Variants in ATF2 observed in about 807,000 individuals in gnomAD.
The protein encoded by ATF2 is cyclic AMP-dependent transcription factor ATF-2.
ATF2 carries 24 observed loss-of-function variants against 60.6 expected under a neutral mutation model. The ratio of observed to expected loss-of-function variants is 0.40; its 90% CI spans 0.29 to 0.56. The LOEUF (loss-of-function observed/expected upper bound fraction) is 0.56. ATF2 is among the 20% of genes least tolerant of loss of function. The pLI, the probability that ATF2 is intolerant of heterozygous loss-of-function variation, is 0.54. For missense variants in ATF2, 433 were observed against 607.7 expected (o/e 0.71, Z 3.02); for synonymous variants, 206 against 215.4 (o/e 0.96, Z 0.38).
At chr2:175,088,362 A>T (rs1694308792) in intron 12 of ATF2, among the ~76,000 whole-genome samples, 1 of 152,182 alleles carries the variant, frequency 6.6e-6, no homozygotes, top group Non-Finnish European at 1.5e-5. Context: ...ATTTCAAGTG[A>T]TAAATACTGA....
intron 10 of ATF2, among the ~76,000 whole-genome samples, chr2:175,109,955 A>G (rs1696053626): frequency 6.6e-6 from 1 of 152,204 alleles, no homozygotes; most frequent in South Asian, 2.1e-4. Flanking sequence ...ACTGCTGTTC[A>G]TTCAGATAAT....
At position 175,074,158 on chromosome 2, in the gene ATF2, C is replaced by T. The variant is rs1417632228; in HGVS notation, c.*451G>A. The T allele has an allele frequency of 1.3e-5, 2 of 153,058 alleles. No homozygotes were observed. The highest frequency in any genetic ancestry group is 2.9e-5 in the Non-Finnish European group (2 of 68,694). The allele number at this position is 153,058 out of a possible 1,614,324, so 9.5% of individuals were successfully genotyped here. On this transcript the variant is annotated 3_prime_UTR_variant, in exon 14 of 14. Transcript: ENST00000264110. ...TTTCTCTTGCCTAGTGCTTTTATGA[C>T]TCCGTTAACATTACAAAGTCAACAG...
Position 175,085,064 on chromosome 2 carries a change from T to C in ATF2, c.1186-4299A>G, listed in dbSNP as rs149601582. On this transcript the variant is annotated intron_variant, in intron 12 of 13. Transcript: ENST00000264110. The stretch of plus-strand genomic sequence containing the variant: ...GCTACACTGTTAATTTTCTCAGTTA[T>C]GTAAATTGGCATATTATGTAGTATC... Among the ~76,000 whole-genome samples, 292 of 152,310 alleles carry C rather than the reference T, an allele frequency of 1.9e-3. 1 individual carries two copies. Among genetic ancestry groups the C allele is most frequent in the African/African-American group, 6.8e-3 (283 of 41,582 alleles).
chr2:175,114,917 T>G (rs925131998), intron 7 of ATF2, 49 bp from the exon 8 acceptor site: 2 of 1,570,222 alleles, frequency 1.3e-6, no homozygotes, highest in East Asian at 2.2e-5. Flanking sequence ...ATACAAATCA[T>G]GTACCTTAGT....
chr2:175,141,080 T>C (rs1313533194), intron 2 of ATF2, among the ~76,000 whole-genome samples: 3 of 133,914 alleles, frequency 2.2e-5, no homozygotes, highest in East Asian at 4.6e-4. Flanking sequence ...TGTATATATA[T>C]GTATACACAC....
chr2:175,151,694 G>A (rs562312440), intron 1 of ATF2, among the ~76,000 whole-genome samples: 3 of 151,988 alleles, frequency 2.0e-5, no homozygotes, highest in African/African-American at 7.2e-5. Context: ...AAATAACAAC[G>A]GAATGACAGA....
At chr2:175,136,321 A>G (rs1351775024) in intron 3 of ATF2, 91 bp downstream of exon 3, 4 of 1,238,184 alleles carry the variant, frequency 3.2e-6, no homozygotes, top group African/African-American at 1.5e-5. Flanking sequence ...AAAAAACACC[A>G]CAAATACTTA....
In ATF2 at chr2:175,139,892, A is replaced by G. The variant is rs1442097148; in HGVS notation, c.-43-3406T>C. On this transcript the variant is annotated intron_variant, in intron 2 of 13. Coordinates refer to ENST00000264110, the MANE Select transcript of ATF2 (RefSeq NM_001880.4). ...CTTCAATACTGGTGAAGGCATCTTA[A>G]GTAAATTGCTGAAATATACTCACTC... 2.0e-5 allele frequency among the ~76,000 whole-genome samples: 3 copies of G among 152,168 alleles called. No individual in the cohort carries two copies. In the East Asian group the frequency reaches 5.8e-4, roughly 29 times the overall value.
chr2:175,077,602 A>G (rs571499925), intron 13 of ATF2, among the ~76,000 whole-genome samples: 7 of 152,314 alleles, frequency 4.6e-5, no homozygotes, highest in African/African-American at 1.7e-4. Context: ...GATGAGTGGT[A>G]TAAGGAAACG....
rs755043014 is a variant in ATF2, at chr2:175,118,036, T to C, written c.401A>G (p.Gln134Arg). The change falls in exon 7 of 14, where the codon CAG becomes CGG. Residue 134 changes from glutamine (Q) to arginine (R), a missense_variant. Transcript: ENST00000264110. ...CTCTGGGTGAGGTAAAGGACTATCC[T>C]GGTGAGTTGTTTCTACAACAGAAGG... ...EEPSVVETTHQDSPLPHPEST... is the reference protein window; with the variant it reads ...EEPSVVETTHRDSPLPHPEST... The C allele has an allele frequency of 1.9e-6, 3 of 1,612,152 alleles. No homozygotes were observed. Among genetic ancestry groups the C allele is most frequent in the East Asian group, 2.2e-5 (1 of 44,780 alleles).
Position 175,132,471 on chromosome 2 carries a change from A to G in ATF2, c.33-2264T>C, listed in dbSNP as rs1218416458. 3.3e-5 allele frequency among the ~76,000 whole-genome samples: 5 copies of G among 152,326 alleles called. No homozygotes were observed. In the East Asian group the frequency reaches 5.8e-4, roughly 18 times the overall value. ...TTTTCTCTTATTGTTTTAATGTGGT[A>G]TATCACACTGAATGTTGAACAAACA... is the stretch of plus-strand genomic sequence containing the variant. On this transcript the variant is annotated intron_variant, in intron 3 of 13. Transcript: ENST00000264110.
chr2:175,110,202 G>A (rs1696074797), intron 10 of ATF2, among the ~76,000 whole-genome samples: 1 of 152,126 alleles, frequency 6.6e-6, no homozygotes, highest in Non-Finnish European at 1.5e-5. Context: ...AGGCATGGTG[G>A]TGCACACCTG....
At chr2:175,144,410 AC>A in intron 2 of ATF2, among the ~76,000 whole-genome samples, 1 of 152,360 alleles carries the variant, frequency 6.6e-6, no homozygotes, top group South Asian at 2.1e-4. Context: ...CAGGCTCATT[AC>A]CAAATGGAAT....
At chr2:175,155,260 T>C (rs1190050022) in intron 1 of ATF2, among the ~76,000 whole-genome samples, 3 of 152,180 alleles carry the variant, frequency 2.0e-5, no homozygotes, top group Non-Finnish European at 2.9e-5. Flanking sequence ...CAAATCTTAT[T>C]AGAATGAGTT....
rs1463468162 is a variant in ATF2, at chr2:175,072,587, G to A, written c.*2022C>T. On this transcript the variant is annotated 3_prime_UTR_variant, in exon 14 of 14. Coordinates refer to ENST00000264110, the MANE Select transcript of ATF2 (RefSeq NM_001880.4). ...GAACCTTAACTTGCATAAGTAATAA[G>A]ATGAAAGAAAAATGTACTGAAGGAC... 3.3e-5 allele frequency: 5 copies of A among 152,064 alleles called. No homozygotes were observed. Among genetic ancestry groups the A allele is most frequent in the African/African-American group, 4.8e-5 (2 of 41,434 alleles). The allele number at this position is 152,064 out of a possible 1,614,324, so 9.4% of individuals were successfully genotyped here.
At chr2:175,111,520 T>C in intron 10 of ATF2, 48 bp downstream of exon 10, 1 of 1,510,450 alleles carries the variant, frequency 6.6e-7, no homozygotes, top group Non-Finnish European at 9.1e-7. Flanking sequence ...AAAACATTAA[T>C]TCAAAACAGC....
chr2:175,113,490 C>T (rs1299462494), intron 9 of ATF2, among the ~76,000 whole-genome samples: 1 of 152,084 alleles, frequency 6.6e-6, no homozygotes. Context: ...ATATATTTAA[C>T]ACACCCCTCA....
chr2:175,155,466 C>T (rs369680424), intron 1 of ATF2, among the ~76,000 whole-genome samples: 2 of 152,258 alleles, frequency 1.3e-5, no homozygotes, highest in African/African-American at 2.4e-5. Context: ...TTCAGATATA[C>T]TTTATTGTAT....
intron 2 of ATF2, among the ~76,000 whole-genome samples, chr2:175,137,956 C>T (rs1356852212): frequency 6.6e-6 from 1 of 152,134 alleles, no homozygotes; most frequent in Non-Finnish European, 1.5e-5. Context: ...GAATCTAAAG[C>T]CTATAAATCC....
Sources: gnomAD v4.1 joint callset for allele counts (sites outside exome capture counted in the v4.1 genomes callset) on GRCh38, gnomAD v4.1.1 for gene constraint, MANE v1.5 for transcripts, NCBI Gene and HGNC (gene_info 2026-07-23, HGNC 2026-07-21) for gene names.